DNAH7: variants seen among roughly 807,000 people sequenced by gnomAD.
DNAH7 encodes the protein axonemal beta dynein heavy chain 7.
In DNAH7, 397 loss-of-function variants were observed where a neutral mutation model predicts 444.6. The observed-to-expected ratio is 0.89, with a 90% CI of 0.82 to 0.97. The LOEUF is 0.97. Among genes scored for constraint, DNAH7 ranks in the 50% least tolerant of loss-of-function variants. The pLI is 0.00. For missense variants in DNAH7, 4,902 were observed against 4,800.8 expected (o/e 1.02, Z -0.62); for synonymous variants, 1,636 against 1,624.4 (o/e 1.01, Z -0.17).
intron 2 of DNAH7, 40 bp downstream of exon 2, chr2:196,058,014 T>C: frequency 7.3e-7 from 1 of 1,371,698 alleles, no homozygotes; most frequent in South Asian, 1.8e-5. Flanking sequence ...ACAAACATTA[T>C]CATAAAGGAA....
At position 196,002,498 on chromosome 2, in the gene DNAH7, C is replaced by G. The variant is rs112088758; in HGVS notation, c.990-640G>C. 2.3e-3 allele frequency among the ~76,000 whole-genome samples: 352 copies of G among 152,252 alleles called. 2 individuals carry two copies. The highest frequency in any genetic ancestry group is 7.9e-3 in the African/African-American group (328 of 41,546). On this transcript the variant is annotated intron_variant, in intron 10 of 64. Coordinates refer to ENST00000312428, the MANE Select transcript of DNAH7 (RefSeq NM_018897.3). ...TGATGATAATAAGCAAAGTTTTCAACTTATAAAACCACTCTCCAACACTAC... is the reference window on the plus strand; with the variant it reads ...TGATGATAATAAGCAAAGTTTTCAAGTTATAAAACCACTCTCCAACACTAC...
At chr2:195,916,863 G>A (rs1373139271) in intron 24 of DNAH7, among the ~76,000 whole-genome samples, 2 of 151,868 alleles carry the variant, frequency 1.3e-5, no homozygotes, top group Non-Finnish European at 1.5e-5. Flanking sequence ...ACTTCGGGAG[G>A]TGGAGGCGGG....
chr2:196,064,989 ATC>A (rs1198022350), intron 1 of DNAH7, among the ~76,000 whole-genome samples: 4 of 152,182 alleles, frequency 2.6e-5, no homozygotes, highest in African/African-American at 9.7e-5. Context: ...ATATATGTGC[ATC>A]TCTGTTTTGT....
intron 12 of DNAH7, chr2:195,994,351 C>T (rs974405280): frequency 7.9e-6 from 5 of 633,544 alleles, no homozygotes; most frequent in Non-Finnish European, 1.4e-5. Flanking sequence ...AGACAGTCCT[C>T]TTGCAGCAGG....
chr2:196,001,408 A>G (rs530312450), intron 11 of DNAH7, among the ~76,000 whole-genome samples: 10 of 150,682 alleles, frequency 6.6e-5, no homozygotes, highest in African/African-American at 2.5e-4. Context: ...TCTGTTGTCC[A>G]GGCTGGAGTG....
intron 9 of DNAH7, among the ~76,000 whole-genome samples, chr2:196,018,315 G>A (rs1695151881): frequency 1.3e-5 from 2 of 151,972 alleles, no homozygotes; most frequent in African/African-American, 4.8e-5. Flanking sequence ...CTCATTTACT[G>A]TTGGTAAAAA....
chr2:195,936,726 G>C lies in DNAH7; in HGVS notation c.3145C>G (p.Leu1049Val). Residue 1049 changes from leucine (L) to valine (V), a missense_variant, in exon 20 of 65, where the codon CTT (leucine) becomes GTT (valine). Physicochemically the swap from Leu to Val is conservative, Grantham distance 32. Coordinates refer to ENST00000312428, the MANE Select transcript of DNAH7 (RefSeq NM_018897.3). ...AGTCCTTTAAGAATGAGCTCCAAAAGTTCATTAGATTTTTTCAGCCTTTCC... is the reference window on the plus strand; with the variant it reads ...AGTCCTTTAAGAATGAGCTCCAAAACTTCATTAGATTTTTTCAGCCTTTCC... ...MLERLKKSNE[L>V]LELILKGLNE... is the part of the protein sequence containing the mutation. The C allele has an allele frequency of 6.2e-7, 1 of 1,600,548 alleles. No homozygotes were observed. The highest frequency in any genetic ancestry group is 8.5e-7 in the Non-Finnish European group (1 of 1,174,636).
At chr2:195,881,344 G>C (rs545411901) in intron 36 of DNAH7, among the ~76,000 whole-genome samples, 14 of 152,154 alleles carry the variant, frequency 9.2e-5, no homozygotes, top group Non-Finnish European at 1.8e-4. Flanking sequence ...TGAGACTGCA[G>C]CATTTTCTAT....
intron 47 of DNAH7, among the ~76,000 whole-genome samples, chr2:195,836,051 T>C (rs13424919): frequency 0.017 from 2,652 of 152,280 alleles, 82 homozygotes; most frequent in African/African-American, 0.06. Flanking sequence ...GTTTGGTTTT[T>C]GCAGAGCCTC....
intron 6 of DNAH7, 90 bp from the exon 7 acceptor site, chr2:196,027,030 G>A (rs1695732677): frequency 1.9e-5 from 18 of 932,532 alleles, no homozygotes; most frequent in Non-Finnish European, 2.7e-5. Flanking sequence ...TCAAGTTTTA[G>A]GAGAACAAAG....
chr2:195,927,097 T>C (rs568537453), intron 21 of DNAH7, among the ~76,000 whole-genome samples: 2 of 152,258 alleles, frequency 1.3e-5, no homozygotes, highest in African/African-American at 2.4e-5. Flanking sequence ...AAAGCAATGA[T>C]GACAGAGACA....
At chr2:195,781,776 T>C (rs778917375) in intron 58 of DNAH7, among the ~76,000 whole-genome samples, 2 of 151,854 alleles carry the variant, frequency 1.3e-5, no homozygotes, top group Non-Finnish European at 2.9e-5. Context: ...CCACAACATA[T>C]GTAGGTAAAA....
chr2:195,756,342 C>CA, intron 61 of DNAH7, 57 bp from the exon 62 acceptor site: 1 of 1,393,888 alleles, frequency 7.2e-7, no homozygotes, highest in African/African-American at 1.5e-5. Context: ...AGATTATAAG[C>CA]AACCACCTTT....
At chr2:195,850,373 A>G (rs962368150) in intron 46 of DNAH7, among the ~76,000 whole-genome samples, 1 of 152,102 alleles carries the variant, frequency 6.6e-6, no homozygotes, top group Non-Finnish European at 1.5e-5. Flanking sequence ...ACCCAACACC[A>G]TTAAAACAGT....
chr2:195,790,995 G>T (rs1347828217), intron 57 of DNAH7, among the ~76,000 whole-genome samples: 1 of 152,072 alleles, frequency 6.6e-6, no homozygotes. Context: ...AATTTAGCAA[G>T]CAATAAACAA....
chr2:195,774,271 A>C (rs1483097490), intron 60 of DNAH7, among the ~76,000 whole-genome samples: 4 of 152,226 alleles, frequency 2.6e-5, no homozygotes, highest in Non-Finnish European at 5.9e-5. Context: ...TAATGCTCCT[A>C]AAGAGCTACT....
intron 12 of DNAH7, among the ~76,000 whole-genome samples, chr2:195,992,873 T>C (rs1693440374): frequency 6.6e-6 from 1 of 152,214 alleles, no homozygotes; most frequent in South Asian, 2.1e-4. Context: ...ATGTTCTACA[T>C]CCTGGCTTTC....
At chr2:195,812,139 T>C (rs1282963571) in intron 51 of DNAH7, among the ~76,000 whole-genome samples, 2 of 152,094 alleles carry the variant, frequency 1.3e-5, no homozygotes, top group Non-Finnish European at 2.9e-5. Flanking sequence ...AAGACTGTTT[T>C]CCTTGCTGAG....
chr2:196,016,683 A>C (rs1695040195), intron 9 of DNAH7, among the ~76,000 whole-genome samples: 1 of 152,216 alleles, frequency 6.6e-6, no homozygotes, highest in South Asian at 2.1e-4. Flanking sequence ...TCAGCAAAGT[A>C]AGCCGAGTCT....
Sources: allele counts gnomAD v4.1 joint callset (sites outside exome capture counted in the v4.1 genomes callset), GRCh38; gene constraint gnomAD v4.1.1; transcripts MANE v1.5; gene names NCBI Gene and HGNC (gene_info 2026-07-23, HGNC 2026-07-21).